Variants in FAT3 observed in about 807,000 individuals in gnomAD.
The protein encoded by FAT3 is protocadherin Fat 3.
FAT3 carries 95 observed loss-of-function variants against 310.2 expected under a neutral mutation model. The ratio of observed to expected loss-of-function variants is 0.31; its 90% CI spans 0.26 to 0.36. The LOEUF is 0.36. Among genes scored for constraint, FAT3 ranks in the 10% least tolerant of loss-of-function variants. The pLI is 1.00. For synonymous variants in FAT3, 2,314 were observed against 2,192.9 expected (o/e 1.06, Z -1.54); for missense variants, 5,408 against 5,715.6 (o/e 0.95, Z 1.74).
intron 2 of FAT3, among the ~76,000 whole-genome samples, chr11:92,433,334 T>A (rs1591284315): frequency 1.3e-5 from 2 of 152,138 alleles, no homozygotes; most frequent in East Asian, 3.9e-4. Flanking sequence ...CCGCCCAGCT[T>A]TGTCTTGAAA....
At chr11:92,571,149 A>G (rs182029815) in intron 3 of FAT3, among the ~76,000 whole-genome samples, 12 of 152,304 alleles carry the variant, frequency 7.9e-5, no homozygotes, top group African/African-American at 2.9e-4. Flanking sequence ...AGAGATCCTA[A>G]AGAGAGCCTA....
In FAT3 at chr11:92,844,179, A is replaced by G; in HGVS notation, c.10812A>G (p.Lys3604=). 6.2e-7 allele frequency: 1 copy of G among 1,614,022 alleles called. No individual in the cohort carries two copies. Among genetic ancestry groups the G allele is most frequent in the Non-Finnish European group, 8.5e-7 (1 of 1,179,886 alleles). ...TTAAAGTGAACAGTCACGATGGGAA[A>G]ATCATCGCCCTGGGAGGCCTGGACA... ...SLFKVNSHDG[K]IIALGGLDSG... Residue 3604 remains lysine (K), a synonymous_variant, in exon 19 of 28, where the codon AAA becomes AAG. Transcript: ENST00000525166.
intron 1 of FAT3, among the ~76,000 whole-genome samples, chr11:92,234,163 CTT>C (rs1300248546): frequency 6.6e-6 from 1 of 152,164 alleles, no homozygotes; most frequent in African/African-American, 2.4e-5. Flanking sequence ...AAAATACACT[CTT>C]TATTTAAACA....
rs1478487634 is a variant in FAT3 at position 92,801,549 on chromosome 11, A to G, written c.8536A>G (p.Asn2846Asp). ...VRAIDMDWGA[N>D]GQVTYSLHSD... ...AGCTATTGATATGGACTGGGGAGCCAATGGACAAGTCACTTACTCCCTCCA... is the reference window on the plus strand; with the variant it reads ...AGCTATTGATATGGACTGGGGAGCCGATGGACAAGTCACTTACTCCCTCCA... The change falls in exon 10 of 28, where the codon AAT (asparagine) becomes GAT (aspartate). Residue 2846 changes from asparagine to aspartate, a missense_variant. Transcript: ENST00000525166. The G allele has an allele frequency of 3.1e-6, 5 of 1,608,196 alleles. No homozygotes were observed. The South Asian group carries it at 5.6e-5, about 18-fold the overall frequency.
chr11:92,633,567 G>A (rs1367879333), intron 3 of FAT3, among the ~76,000 whole-genome samples: 2 of 152,124 alleles, frequency 1.3e-5, no homozygotes, highest in Admixed American at 1.3e-4. Context: ...CTGACACGGG[G>A]ATTGGGATAA....
At chr11:92,643,353 C>A (rs1942033131) in intron 3 of FAT3, among the ~76,000 whole-genome samples, 1 of 152,188 alleles carries the variant, frequency 6.6e-6, no homozygotes, top group South Asian at 2.1e-4. Flanking sequence ...CCCTGACACC[C>A]AACTTCTGCT....
At chr11:92,635,728 A>G (rs979538137) in intron 3 of FAT3, among the ~76,000 whole-genome samples, 8 of 152,236 alleles carry the variant, frequency 5.3e-5, no homozygotes, top group Non-Finnish European at 1.0e-4. Context: ...GAAACTGATT[A>G]TTCTCTTTCA....
At chr11:92,679,267 A>ATT (rs901287779) in intron 3 of FAT3, among the ~76,000 whole-genome samples, 1 of 148,918 alleles carries the variant, frequency 6.7e-6, no homozygotes, top group African/African-American at 2.5e-5. Flanking sequence ...GAGTACAAGT[A>ATT]TTTTTTTTTT....
chr11:92,277,285 G>A (rs1398230272), intron 1 of FAT3, among the ~76,000 whole-genome samples: 1 of 152,080 alleles, frequency 6.6e-6, no homozygotes, highest in African/African-American at 2.4e-5. Flanking sequence ...TATTTTTAGA[G>A]AATGCCTAAA....
intron 2 of FAT3, among the ~76,000 whole-genome samples, chr11:92,421,927 C>T (rs1950540951): frequency 6.6e-6 from 1 of 152,154 alleles, no homozygotes; most frequent in Admixed American, 6.5e-5. Context: ...GACATTTAGA[C>T]AGTGAGAGAT....
intron 7 of FAT3, among the ~76,000 whole-genome samples, chr11:92,781,564 A>G (rs1946754269): frequency 6.6e-6 from 1 of 152,204 alleles, no homozygotes; most frequent in Non-Finnish European, 1.5e-5. Flanking sequence ...ACATTTATAT[A>G]TATGAAATAC....
At chr11:92,393,713 T>C (rs188269626) in intron 2 of FAT3, among the ~76,000 whole-genome samples, 223 of 152,242 alleles carry the variant, frequency 1.5e-3, no homozygotes, top group Non-Finnish European at 2.5e-3. Context: ...TAATTACGAG[T>C]GCAGTATTTT....
At chr11:92,565,538 GA>G (rs2135484546) in intron 3 of FAT3, among the ~76,000 whole-genome samples, 1 of 151,170 alleles carries the variant, frequency 6.6e-6, no homozygotes, top group East Asian at 2.0e-4. Flanking sequence ...CTCATTTTAT[GA>G]GGCCAGCATC....
chr11:92,320,883 G>T (rs558683705), intron 1 of FAT3, among the ~76,000 whole-genome samples: 1 of 151,544 alleles, frequency 6.6e-6, no homozygotes, highest in South Asian at 2.1e-4. Context: ...AAAAAAAAGG[G>T]GGGGGTACTT....
intron 1 of FAT3, among the ~76,000 whole-genome samples, chr11:92,318,088 G>T (rs1020946304): frequency 6.6e-6 from 1 of 152,100 alleles, no homozygotes; most frequent in Non-Finnish European, 1.5e-5. Flanking sequence ...AAAGTACTTT[G>T]CAGACTCCAA....
intron 22 of FAT3, among the ~76,000 whole-genome samples, chr11:92,879,842 C>T (rs566119702): frequency 5.9e-5 from 9 of 152,158 alleles, no homozygotes; most frequent in African/African-American, 1.9e-4. Flanking sequence ...CAGGTTGCTT[C>T]GGAGGAAGTG....
chr11:92,414,571 T>C (rs1043414412), intron 2 of FAT3, among the ~76,000 whole-genome samples: 5 of 152,246 alleles, frequency 3.3e-5, no homozygotes, highest in African/African-American at 1.2e-4. Flanking sequence ...TTTGTATTTC[T>C]CCACTACCTC....
Position 92,798,092 on chromosome 11 carries a change from C to A in FAT3, c.5079C>A (p.Ile1693=). Residue 1693 remains isoleucine, a synonymous_variant, in exon 10 of 28, where the codon ATC becomes ATA. Transcript: ENST00000525166. The part of the protein sequence containing the change: ...NVDIGTSVIL[I]SAISQSTLIY... ...ACATTGGAACATCAGTCATTCTAAT[C>A]TCTGCCATCAGTCAATCTACCCTCA... 1 of 1,613,924 alleles carries A rather than the reference C, an allele frequency of 6.2e-7. No individual in the cohort carries two copies. Among genetic ancestry groups the A allele is most frequent in the Non-Finnish European group, 8.5e-7 (1 of 1,179,856 alleles).
intron 1 of FAT3, among the ~76,000 whole-genome samples, chr11:92,292,088 TA>T (rs1267876977): frequency 2.0e-5 from 3 of 152,008 alleles, no homozygotes; most frequent in African/African-American, 4.8e-5. Flanking sequence ...CTCTTTTATC[TA>T]AAAAAATGGC....
Sources: gnomAD v4.1 joint callset for allele counts (sites outside exome capture counted in the v4.1 genomes callset) on GRCh38, gnomAD v4.1.1 for gene constraint, MANE v1.5 for transcripts, NCBI Gene and HGNC (gene_info 2026-07-23, HGNC 2026-07-21) for gene names.